Variants in MCTP1 observed in about 807,000 individuals in gnomAD.
The protein encoded by MCTP1 is multiple C2 and transmembrane domain containing 1.
Under a neutral mutation model 120.6 loss-of-function variants are expected in MCTP1, and 69 were observed. The observed-to-expected ratio is 0.57, with a 90% CI of 0.47 to 0.70. The LOEUF is 0.70. Among genes scored for constraint, MCTP1 ranks in the 30% least tolerant of loss-of-function variants. The pLI is 0.00. For synonymous variants in MCTP1, 529 were observed against 493.1 expected (o/e 1.07, Z -0.96); for missense variants, 1,203 against 1,248.8 (o/e 0.96, Z 0.55).
intron 1 of MCTP1, among the ~76,000 whole-genome samples, chr5:95,121,671 GA>G (rs1758251359): frequency 6.6e-6 from 1 of 151,382 alleles, no homozygotes; most frequent in Non-Finnish European, 1.5e-5. Context: ...AATAGAACCA[GA>G]AAAGACCCAG....
At chr5:95,002,635 G>C (rs1037919611) in intron 2 of MCTP1, among the ~76,000 whole-genome samples, 2 of 152,178 alleles carry the variant, frequency 1.3e-5, no homozygotes, top group African/African-American at 4.8e-5. Flanking sequence ...CTCCCATTTG[G>C]AACGGGAGTA....
At chr5:95,228,429 G>A (rs1439062759) in intron 1 of MCTP1, among the ~76,000 whole-genome samples, 1 of 151,600 alleles carries the variant, frequency 6.6e-6, no homozygotes, top group African/African-American at 2.4e-5. Flanking sequence ...AAAGATAAGA[G>A]AGTTTGGGCC....
intron 17 of MCTP1, among the ~76,000 whole-genome samples, chr5:94,800,429 G>A (rs765960553): frequency 5.9e-5 from 9 of 152,126 alleles, no homozygotes; most frequent in Non-Finnish European, 1.0e-4. Context: ...AAGGACACCC[G>A]TCTCAGGCAC....
At chr5:94,925,534 A>G (rs527419906) in intron 6 of MCTP1, among the ~76,000 whole-genome samples, 16 of 151,956 alleles carry the variant, frequency 1.1e-4, no homozygotes, top group African/African-American at 3.6e-4. Context: ...TCAGCCTCCC[A>G]AGTAGCTGGG....
At chr5:95,077,199 A>G (rs1378793499) in intron 1 of MCTP1, among the ~76,000 whole-genome samples, 1 of 152,212 alleles carries the variant, frequency 6.6e-6, no homozygotes. Context: ...AGCATTTAAA[A>G]ATGATCTTAA....
intron 1 of MCTP1, among the ~76,000 whole-genome samples, chr5:95,156,600 G>A (rs1745155061): frequency 6.6e-6 from 1 of 151,798 alleles, no homozygotes; most frequent in African/African-American, 2.4e-5. Flanking sequence ...TTTCTTCATA[G>A]CCACCCCAAT....
At chr5:94,839,998 T>G (rs1790649822) in intron 17 of MCTP1, among the ~76,000 whole-genome samples, 1 of 152,176 alleles carries the variant, frequency 6.6e-6, no homozygotes, top group South Asian at 2.1e-4. Flanking sequence ...CCTCTGGTGA[T>G]AATTAGTGAT....
At chr5:94,726,307 G>A (rs984934636) in intron 19 of MCTP1, among the ~76,000 whole-genome samples, 2 of 152,124 alleles carry the variant, frequency 1.3e-5, no homozygotes, top group Non-Finnish European at 2.9e-5. Flanking sequence ...TCCTCTGAAG[G>A]CCACTGGTTA....
chr5:95,135,297 A>C (rs554370724), intron 1 of MCTP1, among the ~76,000 whole-genome samples: 1 of 152,300 alleles, frequency 6.6e-6, no homozygotes, highest in South Asian at 2.1e-4. Context: ...AAAAATATAC[A>C]CTATGGTGGT....
chr5:95,075,298 C>G (rs571782131), intron 1 of MCTP1, among the ~76,000 whole-genome samples: 1 of 152,200 alleles, frequency 6.6e-6, no homozygotes, highest in African/African-American at 2.4e-5. Flanking sequence ...TTAAAAGTCA[C>G]TTTCTCACAG....
At chr5:95,041,311 GAAAAAAAAA>G (rs58379749) in intron 1 of MCTP1, among the ~76,000 whole-genome samples, 2 of 89,802 alleles carry the variant, frequency 2.2e-5, no homozygotes, top group South Asian at 3.4e-4. Context: ...CCCATGCTCT[GAAAAAAAAA>G]AAAAAAAAAA....
intron 1 of MCTP1, among the ~76,000 whole-genome samples, chr5:95,116,023 A>T (rs1012391749): frequency 6.6e-6 from 1 of 152,156 alleles, no homozygotes; most frequent in Non-Finnish European, 1.5e-5. Context: ...CTCCAGAAGA[A>T]TATGTCTAGA....
At chr5:94,940,822 A>G (rs999139171) in intron 4 of MCTP1, among the ~76,000 whole-genome samples, 1 of 151,478 alleles carries the variant, frequency 6.6e-6, no homozygotes, top group Admixed American at 6.6e-5. Flanking sequence ...AGGTACCTCA[A>G]TGTATTACAT....
chr5:94,891,007 T>A (rs753426956), intron 11 of MCTP1, among the ~76,000 whole-genome samples: 1 of 152,180 alleles, frequency 6.6e-6, no homozygotes, highest in Admixed American at 6.5e-5. Context: ...ATATTAATAA[T>A]GTGAGAATAC....
chr5:94,761,443 A>T (rs1288295362), intron 19 of MCTP1, among the ~76,000 whole-genome samples: 1 of 152,232 alleles, frequency 6.6e-6, no homozygotes, highest in African/African-American at 2.4e-5. Flanking sequence ...AGAAAATGAC[A>T]ATTCATCTTG....
chr5:95,163,588 A>G (rs981414541), intron 1 of MCTP1, among the ~76,000 whole-genome samples: 16 of 152,242 alleles, frequency 1.1e-4, no homozygotes, highest in African/African-American at 3.9e-4. Context: ...TCAATAGTAT[A>G]TACAATATTT....
At chr5:94,782,429 T>C (rs1776762741) in intron 18 of MCTP1, among the ~76,000 whole-genome samples, 1 of 152,068 alleles carries the variant, frequency 6.6e-6, no homozygotes, top group African/African-American at 2.4e-5. Flanking sequence ...TCCAGTGAAA[T>C]GGATGGCTTT....
intron 8 of MCTP1, among the ~76,000 whole-genome samples, chr5:94,917,216 A>G (rs912965560): frequency 6.6e-6 from 1 of 152,204 alleles, no homozygotes; most frequent in African/African-American, 2.4e-5. Context: ...GGAGTATTAA[A>G]CAAATCCAAG....
At chr5:95,238,304 G>A (rs1269829104) in intron 1 of MCTP1, among the ~76,000 whole-genome samples, 1 of 152,146 alleles carries the variant, frequency 6.6e-6, no homozygotes, top group East Asian at 1.9e-4. Flanking sequence ...CATTAAATAC[G>A]TGAATCTTTC....
Sources: allele counts gnomAD v4.1 joint callset (sites outside exome capture counted in the v4.1 genomes callset), GRCh38; gene constraint gnomAD v4.1.1; transcripts MANE v1.5; gene names NCBI Gene and HGNC (gene_info 2026-07-23, HGNC 2026-07-21).